The following ALOX5 variants were observed in gnomAD, a reference collection of about 807,000 sequenced individuals.
ALOX5 encodes the protein arachidonate 5-lipoxygenase.
ALOX5 carries 64 observed loss-of-function variants against 87.9 expected under a neutral mutation model. That is an observed-to-expected ratio of 0.73 (90% CI 0.60 to 0.90). The LOEUF (loss-of-function observed/expected upper bound fraction) is 0.90, where lower values mean the gene tolerates loss of function less well. Ranked by LOEUF, ALOX5 falls within the 40% of genes least tolerant of loss-of-function variation. The pLI, the probability that ALOX5 is intolerant of heterozygous loss-of-function variation, is 0.00. For missense variants in ALOX5, 822 were observed against 907.5 expected, an observed-to-expected ratio of 0.91 and a Z score of 1.21; for synonymous variants, 388 against 355.1, an observed-to-expected ratio of 1.09 and a Z score of -1.04.
At chr10:45,442,695 A>T (rs955011202) in intron 9 of ALOX5, 2 of 300,570 alleles carry the variant, frequency 6.7e-6, no homozygotes, top group African/African-American at 4.4e-5. Flanking sequence ...TCAGCACTAG[A>T]GCAGACTTCA....
At chr10:45,380,465 C>T (rs2092261913) in intron 1 of ALOX5, among the ~76,000 whole-genome samples, 2 of 152,222 alleles carry the variant, frequency 1.3e-5, no homozygotes, top group Non-Finnish European at 2.9e-5. Flanking sequence ...CTCAAGTTCC[C>T]ATTCCTCTTA....
At chr10:45,404,749 C>A (rs543214178) in intron 3 of ALOX5, among the ~76,000 whole-genome samples, 7 of 152,236 alleles carry the variant, frequency 4.6e-5, no homozygotes, top group Non-Finnish European at 1.0e-4. Context: ...TCTCACACAT[C>A]TCTCTGTGCT....
At chr10:45,384,256 C>CA (rs1839941196) in intron 2 of ALOX5, among the ~76,000 whole-genome samples, 1 of 152,154 alleles carries the variant, frequency 6.6e-6, no homozygotes, top group Admixed American at 6.5e-5. Context: ...CCTTTCTGGT[C>CA]AGAGTTCCCA....
At chr10:45,420,861 G>C (rs1346513891) in intron 4 of ALOX5, among the ~76,000 whole-genome samples, 1 of 152,270 alleles carries the variant, frequency 6.6e-6, no homozygotes, top group Non-Finnish European at 1.5e-5. Context: ...AATTGAGAAA[G>C]AGAGTTTCCT....
intron 6 of ALOX5, among the ~76,000 whole-genome samples, chr10:45,426,990 G>A (rs868316887): frequency 2.0e-4 from 31 of 152,144 alleles, no homozygotes; most frequent in African/African-American, 6.3e-4. Context: ...CAGTGCCCAC[G>A]GCCAGGAGAA....
chr10:45,433,045 T>G (rs1340996992), intron 7 of ALOX5, among the ~76,000 whole-genome samples: 1 of 152,178 alleles, frequency 6.6e-6, no homozygotes, highest in East Asian at 1.9e-4. Context: ...GCAACCAGCA[T>G]ATGGAAAAAC....
intron 2 of ALOX5, among the ~76,000 whole-genome samples, chr10:45,386,612 T>C (rs955940004): frequency 6.6e-6 from 1 of 152,050 alleles, no homozygotes; most frequent in African/African-American, 2.4e-5. Context: ...TTGAATATCT[T>C]TGGGTTTTTA....
Position 45,443,792 on chromosome 10 carries a change from C to T in ALOX5, c.1638C>T (p.Thr546=), listed in dbSNP as rs545663974. ...AGTACCTGACCGTGGTGATCTTCAC[C>T]GCCTCCGCCCAGCACGCCGCGGTCA... ...LSEYLTVVIF[T]ASAQHAAVNF... is the part of the protein sequence containing the mutation. The change falls in exon 12 of 14, where the codon ACC becomes ACT. Residue 546 remains threonine, a synonymous_variant. Transcript: ENST00000374391. The T allele has an allele frequency of 1.2e-6, 2 of 1,611,392 alleles. No homozygotes were observed. Among genetic ancestry groups the T allele is most frequent in the African/African-American group, 1.3e-5 (1 of 74,978 alleles).
chr10:45,444,244 T>C lies in ALOX5; in HGVS notation c.1803T>C (p.His601=). The C allele has an allele frequency of 6.4e-7, 1 of 1,555,386 alleles. No individual in the cohort carries two copies. The highest frequency in any genetic ancestry group is 1.9e-5 in the Admixed American group (1 of 51,286). The change falls in exon 13 of 14, where the codon CAT becomes CAC. Residue 601 remains histidine, a synonymous_variant. Coordinates refer to ENST00000374391, the MANE Select transcript of ALOX5 (RefSeq NM_000698.5). ...TLPDRGRSCW[H]LGAVWALSQF... Reference sequence around the variant, plus strand: ...CCGACCGCGGCCGCTCCTGCTGGCATCTGGGTGCAGTGTGGGCGCTGAGCC... The same window carrying C: ...CCGACCGCGGCCGCTCCTGCTGGCACCTGGGTGCAGTGTGGGCGCTGAGCC...
Position 45,395,840 on chromosome 10 carries a change from G to T in ALOX5, c.350-15G>T. Reference sequence around the variant, plus strand: ...TTCTTCCTCAGGCTCCTCTCATGTTGTTCTTTCTTTACAGCAAAGTTGGCC... The same window carrying T: ...TTCTTCCTCAGGCTCCTCTCATGTTTTTCTTTCTTTACAGCAAAGTTGGCC... On this transcript the variant is annotated splice_polypyrimidine_tract_variant and intron_variant, in intron 2 of 13. Transcript: ENST00000374391. 1.2e-6 allele frequency: 2 copies of T among 1,613,278 alleles called. No individual in the cohort carries two copies. Among genetic ancestry groups the T allele is most frequent in the East Asian group, 2.2e-5 (1 of 44,882 alleles).
chr10:45,382,694 G>A lies in ALOX5; in HGVS notation c.349+13G>A, dbSNP rs368155166. On this transcript the variant is annotated intron_variant, in intron 2 of 13. Transcript: ENST00000374391. ...AGGGATGGACGCGGTGAGCAGCTCA[G>A]GCCCCTTCTGCCCCGGGCTTCCCAA... 1.2e-6 allele frequency: 2 copies of A among 1,607,616 alleles called. No homozygotes were observed. Among genetic ancestry groups the A allele is most frequent in the Non-Finnish European group, 1.7e-6 (2 of 1,176,948 alleles).
intron 9 of ALOX5, among the ~76,000 whole-genome samples, chr10:45,442,076 G>C (rs749374347): frequency 6.6e-6 from 1 of 152,158 alleles, no homozygotes; most frequent in Non-Finnish European, 1.5e-5. Flanking sequence ...ACTCAAACCA[G>C]CTGCAGCTGG....
intron 4 of ALOX5, among the ~76,000 whole-genome samples, chr10:45,419,722 G>A (rs2132788715): frequency 9.1e-6 from 1 of 109,376 alleles, no homozygotes; most frequent in Non-Finnish European, 1.9e-5. Flanking sequence ...CTGGGCGGCA[G>A]AGTGAGACCC....
At chr10:45,418,957 G>A (rs1262150088) in intron 4 of ALOX5, among the ~76,000 whole-genome samples, 1 of 152,248 alleles carries the variant, frequency 6.6e-6, no homozygotes, top group Non-Finnish European at 1.5e-5. Flanking sequence ...GGGGGCGAGG[G>A]GTCGGGGGCT....
chr10:45,399,408 CTTGAA>C (rs1167302023), intron 3 of ALOX5, among the ~76,000 whole-genome samples: 1 of 152,250 alleles, frequency 6.6e-6, no homozygotes, highest in East Asian at 1.9e-4. Flanking sequence ...ACTAAACATC[CTTGAA>C]TTGAACACTT....
intron 2 of ALOX5, among the ~76,000 whole-genome samples, chr10:45,387,984 G>A (rs1316678352): frequency 1.3e-5 from 2 of 152,200 alleles, no homozygotes; most frequent in African/African-American, 4.8e-5. Context: ...CATTGAGTGT[G>A]AGCATCACCT....
intron 3 of ALOX5, among the ~76,000 whole-genome samples, chr10:45,399,645 T>C (rs1470591030): frequency 6.6e-6 from 1 of 152,146 alleles, no homozygotes; most frequent in Non-Finnish European, 1.5e-5. Flanking sequence ...ACAAGTTAGA[T>C]GTCATTAAAA....
chr10:45,384,967 T>C (rs941527495), intron 2 of ALOX5, among the ~76,000 whole-genome samples: 26 of 152,124 alleles, frequency 1.7e-4, no homozygotes, highest in African/African-American at 5.8e-4. Flanking sequence ...CTCAGCCTCC[T>C]AGGGAGCTTG....
intron 2 of ALOX5, among the ~76,000 whole-genome samples, chr10:45,394,301 C>T (rs1190814517): frequency 6.6e-6 from 1 of 152,202 alleles, no homozygotes; most frequent in Non-Finnish European, 1.5e-5. Flanking sequence ...AATGACACCA[C>T]ACATCTACAA....
Sources: gnomAD v4.1 joint callset for allele counts (sites outside exome capture counted in the v4.1 genomes callset) on GRCh38, gnomAD v4.1.1 for gene constraint, MANE v1.5 for transcripts, NCBI Gene and HGNC (gene_info 2026-07-23, HGNC 2026-07-21) for gene names.